The following ZNF831 variants were observed in gnomAD, a reference collection of about 807,000 sequenced individuals.
ZNF831 encodes zinc finger protein 831.
ZNF831 carries 59 observed loss-of-function variants against 95.8 expected under a neutral mutation model. The observed-to-expected ratio is 0.62, with a 90% CI of 0.50 to 0.77. The LOEUF (loss-of-function observed/expected upper bound fraction) is 0.77. Ranked by LOEUF, ZNF831 falls within the 30% of genes least tolerant of loss-of-function variation. The pLI, the probability that ZNF831 is intolerant of heterozygous loss-of-function variation, is 0.00. For synonymous variants in ZNF831, 961 were observed against 925.5 expected, an observed-to-expected ratio of 1.04 and a Z score of -0.70; for missense variants, 2,205 against 2,164.0, an observed-to-expected ratio of 1.02 and a Z score of -0.38.
chr20:59,156,782 G>A (rs531059077), intron 2 of ZNF831, among the ~76,000 whole-genome samples: 4 of 152,210 alleles, frequency 2.6e-5, no homozygotes, highest in African/African-American at 9.6e-5. Flanking sequence ...TCTCTGCCTG[G>A]CTTATTTCAC....
chr20:59,162,334 G>C (rs1439853415), upstream of ZNF831, among the ~76,000 whole-genome samples: 1 of 152,136 alleles, frequency 6.6e-6, no homozygotes, highest in African/African-American at 2.4e-5. Context: ...TGTCTAGGCT[G>C]ACATTCAGAA....
At chr20:59,170,008 T>A (rs539917368) in intron 1 of ZNF831, among the ~76,000 whole-genome samples, 21 of 152,214 alleles carry the variant, frequency 1.4e-4, no homozygotes, top group Non-Finnish European at 2.6e-4. Flanking sequence ...TCTCCTACCT[T>A]TATTATCTCC....
At chr20:59,186,335 G>A (rs556627337) in intron 1 of ZNF831, among the ~76,000 whole-genome samples, 6 of 152,310 alleles carry the variant, frequency 3.9e-5, no homozygotes, top group Admixed American at 3.3e-4. Context: ...AGACTGCTGA[G>A]CTGACGGATG....
At chr20:59,138,911 A>T (rs1337795385) in intron 1 of ZNF831, among the ~76,000 whole-genome samples, 1 of 151,960 alleles carries the variant, frequency 6.6e-6, no homozygotes, top group Non-Finnish European at 1.5e-5. Context: ...TTTTTCCTTG[A>T]TCTTTACTCT....
Position 59,257,710 on chromosome 20 carries a change from C to T in ZNF831, c.*2967C>T, listed in dbSNP as rs939158943. 2 of 152,144 alleles carry T rather than the reference C, an allele frequency of 1.3e-5. No homozygotes were observed. Among genetic ancestry groups the T allele is most frequent in the African/African-American group, 2.4e-5 (1 of 41,428 alleles). 9.4% of individuals were successfully genotyped at this position (152,144 alleles called of 1,614,324 possible). ...CAGGGATTTCCTTCTTTCCCCAGTG[C>T]TAATTTTCCCAGTGTTAATTTTATT... On this transcript the variant is annotated 3_prime_UTR_variant, in exon 6 of 6. Coordinates refer to ENST00000371030, the MANE Select transcript of ZNF831 (RefSeq NM_178457.3).
At chr20:59,221,431 C>A (rs1332002874) in intron 4 of ZNF831, among the ~76,000 whole-genome samples, 1 of 152,176 alleles carries the variant, frequency 6.6e-6, no homozygotes, top group Non-Finnish European at 1.5e-5. Context: ...TTGTAGGGAC[C>A]CCATCGTCCT....
chr20:59,238,340 C>T (rs1987118373), intron 4 of ZNF831, among the ~76,000 whole-genome samples: 1 of 152,198 alleles, frequency 6.6e-6, no homozygotes, highest in African/African-American at 2.4e-5. Context: ...TTCCCATCCA[C>T]CAAGTGTCCT....
In ZNF831 at chr20:59,230,340, C is replaced by T. The variant is rs143908587; in HGVS notation, c.4028-22638C>T. ...TACAAAAATTAGCTGGGCATGGTGG[C>T]GGGTGCCTGTAATCCCAGCCACTTA... On this transcript the variant is annotated intron_variant, in intron 4 of 5. Coordinates refer to ENST00000371030, the MANE Select transcript of ZNF831 (RefSeq NM_178457.3). Among the ~76,000 whole-genome samples the T allele has an allele frequency of 8.5e-3, 1,287 of 152,128 alleles. 18 individuals are homozygous for T. Among genetic ancestry groups the T allele is most frequent in the African/African-American group, 0.029 (1,220 of 41,486 alleles).
At chr20:59,209,765 AGCTATTTCCT>A (rs58871766) in intron 4 of ZNF831, among the ~76,000 whole-genome samples, 50,208 of 151,804 alleles carry the variant, frequency 0.33, 10,048 homozygotes, top group African/African-American at 0.57. Context: ...TGGGGCCTCC[AGCTATTTCCT>A]GCTATTTCCT....
intron 1 of ZNF831, among the ~76,000 whole-genome samples, chr20:59,165,387 G>A (rs923605394): frequency 6.6e-6 from 1 of 152,178 alleles, no homozygotes; most frequent in Non-Finnish European, 1.5e-5. Context: ...ACCACGTCTG[G>A]ACAAATCACA....
rs1981536852 is a variant in ZNF831 at position 59,169,236 on chromosome 20, C to T, written c.-37+5029C>T. 1.3e-5 allele frequency among the ~76,000 whole-genome samples: 2 copies of T among 152,182 alleles called. No individual in the cohort carries two copies. The highest frequency in any genetic ancestry group is 2.4e-5 in the African/African-American group (1 of 41,438). The stretch of plus-strand genomic sequence containing the variant: ...TGATAAATAGTTATAGTGTGATTCT[C>T]ATGTGATTCAAATGATCTGTTTCCC... On this transcript the variant is annotated intron_variant, in intron 1 of 5. Transcript: ENST00000371030. The surrounding 1 kb of genome is among the most constrained non-coding windows in gnomAD (Gnocchi z 4.1).
chr20:59,254,385 T>C lies in ZNF831; in HGVS notation c.4676T>C (p.Leu1559Pro), dbSNP rs1274311680. 1.2e-6 allele frequency: 2 copies of C among 1,614,134 alleles called. No individual in the cohort carries two copies. Among genetic ancestry groups the C allele is most frequent in the Middle Eastern group, 1.6e-4 (1 of 6,062 alleles). ...SGQRISDSVP[L>P]ESTEKTHLEI... is the part of the protein sequence containing the mutation. ...CAAAGAATTTCAGATTCGGTTCCAC[T>C]GGAGTCAACTGAAAAAACTCATCTT... The change falls in exon 6 of 6, where the codon CTG becomes CCG. Residue 1559 changes from leucine (L) to proline (P), a missense_variant. Leu to Pro is a moderately conservative substitution (Grantham distance 98). Coordinates refer to ENST00000371030, the MANE Select transcript of ZNF831 (RefSeq NM_178457.3). The surrounding 1 kb of genome is among the most constrained non-coding windows in gnomAD (Gnocchi z 4.5).
intron 4 of ZNF831, among the ~76,000 whole-genome samples, chr20:59,231,110 G>A (rs1986697716): frequency 6.6e-6 from 1 of 152,214 alleles, no homozygotes; most frequent in Admixed American, 6.5e-5. Context: ...CTACTTCCCT[G>A]TAAGGACATG....
In ZNF831 at chr20:59,194,088, G is replaced by T. The variant is rs762652888; in HGVS notation, c.3069G>T (p.Gly1023=). Residue 1023 remains glycine, a synonymous_variant, in exon 2 of 6, where the codon GGG becomes GGT. Transcript: ENST00000371030. ...ATGGGAGAAAAGGGGCACAGTTGGG[G>T]GGGGACAAGGGGGACAGGATGGCCA... ...PQDGRKGAQL[G]GDKGDRMATS... is the part of the protein sequence containing the mutation. The T allele has an allele frequency of 6.5e-7, 1 of 1,541,528 alleles. No individual in the cohort carries two copies. The highest frequency in any genetic ancestry group is 1.3e-5 in the South Asian group (1 of 78,890).
chr20:59,251,431 G>A (rs1372666217), intron 4 of ZNF831, among the ~76,000 whole-genome samples: 1 of 152,178 alleles, frequency 6.6e-6, no homozygotes. Flanking sequence ...ACCCCAAAGG[G>A]AAATGATTTC....
At chr20:59,207,081 C>T (rs749068255) in intron 4 of ZNF831, 25 bp downstream of exon 4, 1 of 1,608,386 alleles carries the variant, frequency 6.2e-7, no homozygotes, top group Non-Finnish European at 8.5e-7. Flanking sequence ...GGAGGTGCAT[C>T]CAGACTGGGC....
intron 1 of ZNF831, among the ~76,000 whole-genome samples, chr20:59,144,633 G>T (rs543909879): frequency 1.4e-4 from 21 of 152,324 alleles, no homozygotes; most frequent in African/African-American, 5.1e-4. Context: ...TTGGCGTGCT[G>T]TGGAGGGTCT....
chr20:59,157,630 G>A (rs1980611126), intron 2 of ZNF831, among the ~76,000 whole-genome samples: 1 of 152,220 alleles, frequency 6.6e-6, no homozygotes, highest in African/African-American at 2.4e-5. Context: ...TCAAGGAACA[G>A]TCATCATTTG....
intron 2 of ZNF831, among the ~76,000 whole-genome samples, chr20:59,154,389 C>T (rs1568728655): frequency 6.6e-6 from 1 of 152,172 alleles, no homozygotes; most frequent in Non-Finnish European, 1.5e-5. Context: ...GAGCAGAAAG[C>T]ACCATGAGAA....
Sources: gnomAD v4.1 joint callset for allele counts (sites outside exome capture counted in the v4.1 genomes callset) on GRCh38, gnomAD v4.1.1 for gene constraint, Gnocchi (gnomAD v3.1) non-coding constraint, MANE v1.5 for transcripts, NCBI Gene and HGNC (gene_info 2026-07-23, HGNC 2026-07-21) for gene names.